Variants in TRANK1 observed in about 807,000 individuals in gnomAD.
The protein encoded by TRANK1 is TPR and ankyrin repeat-containing protein 1.
Under a neutral mutation model 266.0 loss-of-function variants are expected in TRANK1, and 198 were observed. That is an observed-to-expected ratio of 0.74 (90% CI 0.66 to 0.84). The LOEUF is 0.84. TRANK1 is among the 40% of genes least tolerant of loss of function. The probability of loss-of-function intolerance (pLI) is 0.00; values close to 1 mark genes in which losing one functional copy is unlikely to be tolerated. For missense variants in TRANK1, 3,326 were observed against 3,634.6 expected, an observed-to-expected ratio of 0.92 and a Z score of 2.18; for synonymous variants, 1,396 against 1,384.1, an observed-to-expected ratio of 1.01 and a Z score of -0.19.
intron 8 of TRANK1, 33 bp from the exon 9 acceptor site, chr3:36,874,329 T>C (rs946803936): frequency 1.3e-6 from 2 of 1,529,514 alleles, no homozygotes; most frequent in Non-Finnish European, 8.7e-7. Context: ...GGGGTGTTTG[T>C]CATGGTTCCT....
At position 36,833,879 on chromosome 3, in the gene TRANK1, T is replaced by G; in HGVS notation, c.5704A>C (p.Lys1902Gln). 3.1e-6 allele frequency: 5 copies of G among 1,613,628 alleles called. No individual in the cohort carries two copies. The highest frequency in any genetic ancestry group is 4.2e-6 in the Non-Finnish European group (5 of 1,179,832). Residue 1902 changes from lysine (K) to glutamine (Q), a missense_variant, in exon 22 of 24, where the codon AAG (lysine) becomes CAG (glutamine). Coordinates refer to ENST00000645898, the MANE Select transcript of TRANK1 (RefSeq NM_001329998.2). The stretch of plus-strand genomic sequence containing the variant: ...AACTGACTGGCAGAATAGGAGAGCT[T>G]GGAAATGGGAAGGGTCTTAGTCTTT... ...MLKTKTLPIS[K>Q]LSYSASQFYL...
Position 36,828,199 on chromosome 3 carries a change from C to A in TRANK1, c.*76G>T, listed in dbSNP as rs541491409. Reference sequence around the variant, plus strand: ...AAATGCTAATTCACATTCTTTTTGTCTTCTGCCCCAGCGCTCAGAATTCTA... The same window carrying A: ...AAATGCTAATTCACATTCTTTTTGTATTCTGCCCCAGCGCTCAGAATTCTA... On this transcript the variant is annotated 3_prime_UTR_variant, in exon 24 of 24. Coordinates refer to ENST00000645898, the MANE Select transcript of TRANK1 (RefSeq NM_001329998.2). The A allele has an allele frequency of 1.9e-4, 208 of 1,079,128 alleles. 2 individuals carry two copies. The South Asian group carries it at 2.7e-3, about 14-fold the overall frequency. The allele number at this position is 1,079,128 out of a possible 1,614,324, so 66.8% of individuals were successfully genotyped here. A position where few individuals can be genotyped will look rare whatever the true frequency, so the allele number is the denominator to read the frequency against.
intron 2 of TRANK1, among the ~76,000 whole-genome samples, chr3:36,907,004 A>C (rs1414062103): frequency 6.6e-6 from 1 of 152,232 alleles, no homozygotes; most frequent in African/African-American, 2.4e-5. Context: ...ATGACATGTG[A>C]TATTGCAACA....
chr3:36,942,231 A>G (rs1008715122), intron 1 of TRANK1, among the ~76,000 whole-genome samples: 27 of 152,182 alleles, frequency 1.8e-4, no homozygotes, highest in African/African-American at 5.5e-4. Flanking sequence ...GCCAGTCTCT[A>G]TTTGGTTCCT....
chr3:36,943,427 G>C (rs1428644634), intron 1 of TRANK1, among the ~76,000 whole-genome samples: 1 of 151,780 alleles, frequency 6.6e-6, no homozygotes, highest in Non-Finnish European at 1.5e-5. Flanking sequence ...GCCAGTGGCA[G>C]TGGGATGCGA....
intron 15 of TRANK1, among the ~76,000 whole-genome samples, chr3:36,849,168 C>G (rs1340360114): frequency 6.6e-6 from 1 of 152,080 alleles, no homozygotes. Context: ...GGCCTATTCT[C>G]TAGGTCAATT....
At chr3:36,927,428 T>A (rs1051317090) in intron 1 of TRANK1, among the ~76,000 whole-genome samples, 3 of 152,194 alleles carry the variant, frequency 2.0e-5, no homozygotes, top group Non-Finnish European at 2.9e-5. Context: ...CCTGCACAAA[T>A]AACTTACAAT....
chr3:36,876,270 C>T (rs779869220), intron 8 of TRANK1, among the ~76,000 whole-genome samples: 3 of 152,260 alleles, frequency 2.0e-5, no homozygotes, highest in Non-Finnish European at 2.9e-5. Context: ...ATTTCACCAA[C>T]GCCCAGGTCC....
intron 8 of TRANK1, among the ~76,000 whole-genome samples, chr3:36,884,300 A>G (rs2079571194): frequency 6.6e-6 from 1 of 152,242 alleles, no homozygotes; most frequent in Non-Finnish European, 1.5e-5. Context: ...TGGCATACCT[A>G]GTACCAGATC....
chr3:36,843,256 A>G (rs2078872522), intron 17 of TRANK1, among the ~76,000 whole-genome samples: 1 of 152,188 alleles, frequency 6.6e-6, no homozygotes, highest in African/African-American at 2.4e-5. Context: ...AGGAGGAGGT[A>G]GAGGGGAGAA....
chr3:36,903,569 T>C (rs1256081355), intron 2 of TRANK1, among the ~76,000 whole-genome samples: 3 of 152,268 alleles, frequency 2.0e-5, no homozygotes, highest in Non-Finnish European at 4.4e-5. Context: ...TTCATCTCCA[T>C]TGCCAGCCCT....
intron 11 of TRANK1, 115 bp downstream of exon 11, chr3:36,860,791 T>C (rs2079131138): frequency 7.1e-7 from 1 of 1,410,044 alleles, no homozygotes; most frequent in Non-Finnish European, 9.4e-7. Flanking sequence ...GGGTAGGCAA[T>C]GAGGGTGAAC....
intron 11 of TRANK1, among the ~76,000 whole-genome samples, chr3:36,860,048 CT>C: frequency 6.6e-6 from 1 of 152,062 alleles, no homozygotes. Flanking sequence ...TTGTGTGTCA[CT>C]GTTATATCTT....
At chr3:36,900,242 T>C (rs1575286531) in intron 3 of TRANK1, among the ~76,000 whole-genome samples, 1 of 152,168 alleles carries the variant, frequency 6.6e-6, no homozygotes, top group East Asian at 1.9e-4. Flanking sequence ...AATCCTTTGA[T>C]TAGTGTTCAG....
At position 36,831,791 on chromosome 3, in the gene TRANK1, G is replaced by A. The variant is rs774320805; in HGVS notation, c.7792C>T (p.Leu2598Phe). The change falls in exon 22 of 24, where the codon CTC (leucine) becomes TTC (phenylalanine). Residue 2598 changes from leucine to phenylalanine, a missense_variant. Physicochemically the swap from Leu to Phe is conservative, Grantham distance 22. Transcript: ENST00000645898. This position sits in a 1 kb window ranked among gnomAD's most constrained non-coding sequence, Gnocchi z 5.0. The part of the protein sequence containing the change: ...HFREIESRLQ[L>F]MSMDCPGQVP... ...TGGCCAGGGCAGTCCATGCTCATGA[G>A]CTGCAGCCTTGACTCAATCTCCCGG... 6.2e-7 allele frequency: 1 copy of A among 1,613,982 alleles called. No homozygotes were observed. The highest frequency in any genetic ancestry group is 1.1e-5 in the South Asian group (1 of 91,076).
In TRANK1 at chr3:36,831,550, G is replaced by A; in HGVS notation, c.8033C>T (p.Pro2678Leu). The A allele has an allele frequency of 6.2e-7, 1 of 1,613,402 alleles. No homozygotes were observed. The highest frequency in any genetic ancestry group is 8.5e-7 in the Non-Finnish European group (1 of 1,179,634). Reference protein sequence around the residue: ...VRLNRLLCLDPVDYFAEPECE... With the variant: ...VRLNRLLCLDLVDYFAEPECE... ...CTCAGGTTCAGCAAAGTAGTCCACA[G>A]GGTCCAAACAGAGCAGGCGGTTTAG... The change falls in exon 22 of 24, where the codon CCT becomes CTT. Residue 2678 changes from proline to leucine, a missense_variant. Pro to Leu is a moderately conservative substitution (Grantham distance 98). Transcript: ENST00000645898. This position sits in a 1 kb window ranked among gnomAD's most constrained non-coding sequence, Gnocchi z 5.0.
Position 36,860,894 on chromosome 3 carries a change from A to C in TRANK1, c.1495+12T>G. On this transcript the variant is annotated intron_variant, in intron 11 of 23. Coordinates refer to ENST00000645898, the MANE Select transcript of TRANK1 (RefSeq NM_001329998.2). ...GACAAGTCTCCAACGCTTAGCATCC[A>C]GTCACTCTCACCTCCACTGTCTATC... The C allele has an allele frequency of 6.5e-7, 1 of 1,536,896 alleles. No individual in the cohort carries two copies. Among genetic ancestry groups the C allele is most frequent in the Non-Finnish European group, 8.7e-7 (1 of 1,146,566 alleles).
chr3:36,900,975 T>C (rs1367441723), intron 3 of TRANK1, among the ~76,000 whole-genome samples: 1 of 151,946 alleles, frequency 6.6e-6, no homozygotes, highest in Non-Finnish European at 1.5e-5. Flanking sequence ...GTTTTAACTT[T>C]CATTTTGAAA....
chr3:36,916,966 C>A (rs997151180), intron 1 of TRANK1, among the ~76,000 whole-genome samples: 1 of 152,024 alleles, frequency 6.6e-6, no homozygotes, highest in South Asian at 2.1e-4. Flanking sequence ...CAGATGTACA[C>A]CACCACGCCT....
Sources: allele counts gnomAD v4.1 joint callset (sites outside exome capture counted in the v4.1 genomes callset), GRCh38; gene constraint gnomAD v4.1.1; non-coding constraint Gnocchi (gnomAD v3.1); transcripts MANE v1.5; gene names NCBI Gene and HGNC (gene_info 2026-07-23, HGNC 2026-07-21).